The following KCNH5 variants were observed in gnomAD, a reference collection of about 807,000 sequenced individuals.
The protein encoded by KCNH5 is voltage-gated delayed rectifier potassium channel KCNH5.
In KCNH5, 46 loss-of-function variants were observed where a neutral mutation model predicts 96.1. That is an observed-to-expected ratio of 0.48 (90% CI 0.38 to 0.61). The LOEUF is 0.61. KCNH5 is among the 20% of genes least tolerant of loss of function. The pLI, the probability that KCNH5 is intolerant of heterozygous loss-of-function variation, is 0.00. For missense variants in KCNH5, 907 were observed against 1,225.8 expected (o/e 0.74, Z 3.88); for synonymous variants, 439 against 449.8 (o/e 0.98, Z 0.30).
intron 7 of KCNH5, among the ~76,000 whole-genome samples, chr14:62,914,552 G>C (rs549144326): frequency 6.6e-6 from 1 of 152,204 alleles, no homozygotes; most frequent in South Asian, 2.1e-4. Flanking sequence ...CACTGGAAGA[G>C]ACAAAAATCT....
intron 6 of KCNH5, among the ~76,000 whole-genome samples, chr14:62,955,684 A>G (rs1890090499): frequency 6.6e-6 from 1 of 152,102 alleles, no homozygotes; most frequent in Admixed American, 6.6e-5. Flanking sequence ...ACATGACTGA[A>G]TAAAGTAGAT....
intron 8 of KCNH5, among the ~76,000 whole-genome samples, chr14:62,814,164 T>C (rs1044109174): frequency 2.0e-5 from 3 of 152,226 alleles, no homozygotes; most frequent in Admixed American, 2.0e-4. Context: ...ACTTCATATA[T>C]AAAAATGAGA....
At chr14:62,720,448 G>A (rs910171871) in intron 10 of KCNH5, among the ~76,000 whole-genome samples, 2 of 152,148 alleles carry the variant, frequency 1.3e-5, no homozygotes, top group African/African-American at 4.8e-5. Context: ...CAGGCATGGT[G>A]GCGGACACCT....
chr14:63,005,867 C>T (rs10141561), intron 3 of KCNH5, among the ~76,000 whole-genome samples: 34,426 of 152,070 alleles, frequency 0.23, 4,862 homozygotes, highest in East Asian at 0.52. Context: ...CTGAGAACAA[C>T]GACTACTTCT....
At chr14:62,863,465 A>T (rs1324446926) in intron 7 of KCNH5, among the ~76,000 whole-genome samples, 3 of 152,196 alleles carry the variant, frequency 2.0e-5, no homozygotes, top group Non-Finnish European at 4.4e-5. Flanking sequence ...CTCTTCCAAG[A>T]ATATTAAAAC....
intron 10 of KCNH5, chr14:62,712,671 C>A (rs376027189): frequency 1.3e-6 from 1 of 778,276 alleles, no homozygotes; most frequent in African/African-American, 1.7e-5. Flanking sequence ...CAGTTTCACA[C>A]CCAGCAGGTC....
intron 7 of KCNH5, among the ~76,000 whole-genome samples, chr14:62,861,378 T>A (rs10143260): frequency 0.11 from 16,408 of 151,826 alleles, 1,133 homozygotes; most frequent in East Asian, 0.28. Context: ...CAAGCAATCC[T>A]CCCACCTTAG....
intron 8 of KCNH5, among the ~76,000 whole-genome samples, chr14:62,847,431 TTAACC>T (rs1887722467): frequency 6.6e-6 from 1 of 152,140 alleles, no homozygotes; most frequent in African/African-American, 2.4e-5. Context: ...TTCAGTGCTG[TTAACC>T]TAGAACTTAT....
intron 6 of KCNH5, among the ~76,000 whole-genome samples, chr14:62,960,398 G>A (rs997105296): frequency 1.3e-5 from 2 of 152,104 alleles, no homozygotes; most frequent in Admixed American, 1.3e-4. Context: ...TGGGAACCTA[G>A]TGATTTAAAG....
intron 7 of KCNH5, among the ~76,000 whole-genome samples, chr14:62,919,351 T>C (rs1426070535): frequency 1.3e-5 from 2 of 152,184 alleles, no homozygotes; most frequent in Non-Finnish European, 2.9e-5. Context: ...AGAGATAATA[T>C]TTTAATAATG....
intron 3 of KCNH5, among the ~76,000 whole-genome samples, chr14:63,002,474 A>G (rs1891028897): frequency 1.3e-5 from 2 of 152,188 alleles, no homozygotes; most frequent in Admixed American, 1.3e-4. Flanking sequence ...CAGTGCAGTA[A>G]AGCCCCTCCA....
At chr14:62,915,361 T>C (rs1448074076) in intron 7 of KCNH5, among the ~76,000 whole-genome samples, 1 of 152,214 alleles carries the variant, frequency 6.6e-6, no homozygotes, top group Non-Finnish European at 1.5e-5. Flanking sequence ...CTACTGTCAT[T>C]TTTGGAAGAA....
intron 7 of KCNH5, among the ~76,000 whole-genome samples, chr14:62,906,675 C>G (rs1350764434): frequency 1.3e-5 from 2 of 152,188 alleles, no homozygotes; most frequent in Non-Finnish European, 2.9e-5. Flanking sequence ...ATAGACTACT[C>G]TTCACATGTA....
chr14:62,973,281 C>A (rs1287165086), intron 6 of KCNH5, among the ~76,000 whole-genome samples: 2 of 152,154 alleles, frequency 1.3e-5, no homozygotes, highest in African/African-American at 4.8e-5. Context: ...AGCTGTGAAT[C>A]ACAGTGAAAA....
rs763103359 is a variant in KCNH5 at position 62,707,507 on chromosome 14, A to T, written c.*1T>A. The T allele has an allele frequency of 7.1e-7, 1 of 1,404,030 alleles. No homozygotes were observed. 87.0% of individuals were successfully genotyped at this position (1,404,030 alleles called of 1,614,324 possible). The stretch of plus-strand genomic sequence containing the variant: ...TATTAACAAATATATATGTATATAT[A>T]TTAAAAGTGGATTTCATCTTTGTCA... On this transcript the variant is annotated 3_prime_UTR_variant, in exon 11 of 11. Transcript: ENST00000322893.
chr14:62,793,749 A>G (rs1159565004), intron 9 of KCNH5, among the ~76,000 whole-genome samples: 1 of 151,800 alleles, frequency 6.6e-6, no homozygotes, highest in Non-Finnish European at 1.5e-5. Flanking sequence ...GGATAGGCAG[A>G]TTCAGGAAAT....
chr14:62,937,295 A>T (rs1044039602), intron 7 of KCNH5, among the ~76,000 whole-genome samples: 5 of 152,032 alleles, frequency 3.3e-5, no homozygotes, highest in Non-Finnish European at 7.4e-5. Flanking sequence ...TCTCTCCTTG[A>T]CCTGTCTGTC....
intron 1 of KCNH5, among the ~76,000 whole-genome samples, chr14:63,042,285 T>C (rs1015026483): frequency 6.6e-5 from 10 of 152,028 alleles, no homozygotes; most frequent in Admixed American, 3.9e-4. Flanking sequence ...TACAGACAAA[T>C]CCTAAAAAAG....
chr14:62,724,688 T>C (rs1193063344), intron 10 of KCNH5, among the ~76,000 whole-genome samples: 1 of 152,236 alleles, frequency 6.6e-6, no homozygotes, highest in Non-Finnish European at 1.5e-5. Context: ...TTACCAAGGT[T>C]TGTGCTTCTA....
Sources: gnomAD v4.1 joint callset for allele counts (sites outside exome capture counted in the v4.1 genomes callset) on GRCh38, gnomAD v4.1.1 for gene constraint, MANE v1.5 for transcripts, NCBI Gene and HGNC (gene_info 2026-07-23, HGNC 2026-07-21) for gene names.